The following NFASC variants were observed in gnomAD, a reference collection of about 807,000 sequenced individuals.
The protein encoded by NFASC is neurofascin, also known as neurofascin homolog.
A neutral mutation model predicts 147.5 loss-of-function variants in NFASC; 43 were observed. The ratio of observed to expected loss-of-function variants is 0.29; its 90% CI spans 0.23 to 0.38. The LOEUF is 0.38. NFASC is among the 10% of genes least tolerant of loss of function. The pLI, the probability that NFASC is intolerant of heterozygous loss-of-function variation, is 1.00. For synonymous variants in NFASC, 622 were observed against 665.5 expected (o/e 0.93, Z 1.01); for missense variants, 1,320 against 1,689.0 (o/e 0.78, Z 3.83).
rs2096380265 is a variant in NFASC at position 205,018,752 on chromosome 1, G to A, written c.*2213G>A. On this transcript the variant is annotated 3_prime_UTR_variant, in exon 30 of 30. Transcript: ENST00000339876. ...AGAAAACGCTTTGGATCTGAGCAGAGTAGTCAGTTTCTCAGACACTCATTC... is the reference window on the plus strand; with the variant it reads ...AGAAAACGCTTTGGATCTGAGCAGAATAGTCAGTTTCTCAGACACTCATTC... The A allele has an allele frequency of 6.6e-6, 1 of 152,602 alleles. No homozygotes were observed. Among genetic ancestry groups the A allele is most frequent in the African/African-American group, 2.4e-5 (1 of 41,456 alleles). The allele number at this position is 152,602 out of a possible 1,614,324, so 9.5% of individuals were successfully genotyped here.
rs189981992 is a variant in NFASC at position 205,010,601 on chromosome 1, T to A, written c.3421+913T>A. On this transcript the variant is annotated intron_variant, in intron 28 of 29. Transcript: ENST00000339876. The surrounding 1 kb of genome is among the most constrained non-coding windows in gnomAD (Gnocchi z 4.1). ...GAGACCCTGTCTCAAATAAATAAAA[T>A]TTTTTAAAAGATCCTCCAGGCCGGG... 883 of 148,746 alleles carry A rather than the reference T, an allele frequency of 5.9e-3. 10 individuals are homozygous for A. Among genetic ancestry groups the A allele is most frequent in the African/African-American group, 0.018 (739 of 40,076 alleles). The allele number at this position is 148,746 out of a possible 1,614,324, so 9.2% of individuals were successfully genotyped here.
intron 1 of NFASC, among the ~76,000 whole-genome samples, chr1:204,871,357 C>T (rs112384891): frequency 0.016 from 2,429 of 152,202 alleles, 36 homozygotes; most frequent in Non-Finnish European, 0.026. Flanking sequence ...GAAGAGAGGC[C>T]AAGGACAAGG....
At chr1:205,002,783 G>A (rs1212047062) in intron 27 of NFASC, 35 bp downstream of exon 27, 2 of 1,384,922 alleles carry the variant, frequency 1.4e-6, no homozygotes, top group South Asian at 1.8e-5. Context: ...TCCCCTGCAA[G>A]CATGGGGCAT....
intron 1 of NFASC, among the ~76,000 whole-genome samples, chr1:204,885,599 G>A (rs931676249): frequency 2.0e-5 from 3 of 152,192 alleles, no homozygotes; most frequent in African/African-American, 7.2e-5. Flanking sequence ...GTTTTATGAA[G>A]AAAGTGACTG....
intron 1 of NFASC, among the ~76,000 whole-genome samples, chr1:204,893,676 T>TTGCATTGTATTGCGC (rs1426946495): frequency 6.6e-6 from 1 of 152,220 alleles, no homozygotes; most frequent in Non-Finnish European, 1.5e-5. Context: ...TTAGATGAAG[T>TTGCATTGTATTGCGC]TGCATTGTAT....
In NFASC at chr1:204,924,014, G is replaced by A. The variant is rs960822916; in HGVS notation, c.-91+3274G>A. 3.9e-5 allele frequency among the ~76,000 whole-genome samples: 6 copies of A among 152,224 alleles called. No individual in the cohort carries two copies. The East Asian group carries it at 1.2e-3, about 29-fold the overall frequency. ...GCTCTAGCAAAGGGAGGCCCTTCTAGGGCATAAGACAGCAAGGTTTCCTCC... is the reference window on the plus strand; with the variant it reads ...GCTCTAGCAAAGGGAGGCCCTTCTAAGGCATAAGACAGCAAGGTTTCCTCC... On this transcript the variant is annotated intron_variant, in intron 2 of 29. Coordinates refer to ENST00000339876, the MANE Select transcript of NFASC (RefSeq NM_001005388.3).
At chr1:204,924,138 A>G (rs896996447) in intron 2 of NFASC, among the ~76,000 whole-genome samples, 2 of 152,114 alleles carry the variant, frequency 1.3e-5, no homozygotes, top group African/African-American at 4.8e-5. Flanking sequence ...AACTCAGGAA[A>G]ATCCTCATTC....
In NFASC at chr1:205,002,602, A is replaced by C; in HGVS notation, c.3143A>C (p.His1048Pro). 3 of 1,517,096 alleles carry C rather than the reference A, an allele frequency of 2.0e-6. No individual in the cohort carries two copies. Among genetic ancestry groups the C allele is most frequent in the Non-Finnish European group, 2.7e-6 (3 of 1,115,854 alleles). 94.0% of individuals were successfully genotyped at this position (1,517,096 alleles called of 1,614,324 possible). The change falls in exon 27 of 30, where the codon CAT becomes CCT. Residue 1048 changes from histidine to proline, a missense_variant. Around this residue, in one of 3 missense-constraint regions of NFASC, gnomAD observed 172 missense variants for 165.8 expected, o/e 1.04. Transcript: ENST00000339876. ...TGAGGTTTCTGTTCCCCAGGCAACCATACGAAAAAAACTGTCCCAGTTAAG... is the reference window on the plus strand; with the variant it reads ...TGAGGTTTCTGTTCCCCAGGCAACCCTACGAAAAAAACTGTCCCAGTTAAG... ...DFVVEYIDSN[H>P]TKKTVPVKAQ...
rs1276456145 is a variant in NFASC, at chr1:205,000,923, A to C, written c.3020-247A>C. 22 of 552,290 alleles carry C rather than the reference A, an allele frequency of 4.0e-5. No homozygotes were observed. The East Asian group carries it at 6.9e-4, about 17-fold the overall frequency. The allele number at this position is 552,290 out of a possible 1,614,324, so 34.2% of individuals were successfully genotyped here. ...CAGCTCTCCCTCCGAAGTCCTCCCG[A>C]CTGTACCTGCTTGTCCCTGGACAGC... On this transcript the variant is annotated intron_variant, in intron 25 of 29. Coordinates refer to ENST00000339876, the MANE Select transcript of NFASC (RefSeq NM_001005388.3).
Position 205,010,496 on chromosome 1 carries a change from G to A in NFASC, c.3421+808G>A, listed in dbSNP as rs1057432646. Reference sequence around the variant, plus strand: ...GGTCCCAGCTATTCAACAGGCTGAGGTGGGAGGATTACCTGAGCCTGGAGA... The same window carrying A: ...GGTCCCAGCTATTCAACAGGCTGAGATGGGAGGATTACCTGAGCCTGGAGA... On this transcript the variant is annotated intron_variant, in intron 28 of 29. Transcript: ENST00000339876. This position sits in a 1 kb window ranked among gnomAD's most constrained non-coding sequence, Gnocchi z 4.1. 4.6e-5 allele frequency: 7 copies of A among 152,292 alleles called. No homozygotes were observed. Among genetic ancestry groups the A allele is most frequent in the Admixed American group, 2.6e-4 (4 of 15,280 alleles). The allele number at this position is 152,292 out of a possible 1,614,324, so 9.4% of individuals were successfully genotyped here.
At chr1:204,935,878 G>C (rs554753246) in intron 2 of NFASC, among the ~76,000 whole-genome samples, 1 of 152,286 alleles carries the variant, frequency 6.6e-6, no homozygotes, top group South Asian at 2.1e-4. Flanking sequence ...GGAACATTAG[G>C]CTGCTGCACA....
intron 1 of NFASC, among the ~76,000 whole-genome samples, chr1:204,834,843 C>T (rs1016511373): frequency 4.6e-5 from 7 of 152,140 alleles, no homozygotes; most frequent in Admixed American, 6.5e-5. Flanking sequence ...AGGAAGGCTG[C>T]GTGAATAGTG....
At chr1:204,936,181 T>C in intron 2 of NFASC, among the ~76,000 whole-genome samples, 1 of 28,770 alleles carries the variant, frequency 3.5e-5, no homozygotes, top group Middle Eastern at 0.014. Context: ...ATTAACAGAT[T>C]CCCTCTCTCT....
At chr1:204,877,089 AT>A (rs1170068111) in intron 1 of NFASC, among the ~76,000 whole-genome samples, 1 of 117,504 alleles carries the variant, frequency 8.5e-6, no homozygotes, top group African/African-American at 3.4e-5. Flanking sequence ...TAATATATTT[AT>A]TTATATATTT....
Position 204,828,753 on chromosome 1 carries a change from C to T in NFASC, c.-229C>T. 1.0e-6 allele frequency: 1 copy of T among 985,650 alleles called. No homozygotes were observed. Among genetic ancestry groups the T allele is most frequent in the Non-Finnish European group, 1.2e-6 (1 of 830,216 alleles). 61.1% of individuals were successfully genotyped at this position (985,650 alleles called of 1,614,324 possible). Reference sequence around the variant, plus strand: ...CGCCGGCAGCGGACAGCTCGGACAGCGCCCAGGGCCGGAGCCCGAGCCCTT... The same window carrying T: ...CGCCGGCAGCGGACAGCTCGGACAGTGCCCAGGGCCGGAGCCCGAGCCCTT... On this transcript the variant is annotated 5_prime_UTR_variant, in exon 1 of 30. Transcript: ENST00000339876.
At position 204,877,354 on chromosome 1, in the gene NFASC, G is replaced by A. The variant is rs184303517; in HGVS notation, c.-199-43278G>A. 3.0e-3 allele frequency among the ~76,000 whole-genome samples: 458 copies of A among 152,016 alleles called. 3 individuals are homozygous for A. The highest frequency in any genetic ancestry group is 0.011 in the African/African-American group (438 of 41,470). On this transcript the variant is annotated intron_variant, in intron 1 of 29. Transcript: ENST00000339876. ...ATCCTATACACAGCGTCTGTGAAAC[G>A]GCCAGAACCAGTGCATGGTCAGTGG... is the stretch of plus-strand genomic sequence containing the variant.
intron 1 of NFASC, among the ~76,000 whole-genome samples, chr1:204,896,333 C>T (rs1354285159): frequency 6.6e-6 from 1 of 152,190 alleles, no homozygotes; most frequent in Non-Finnish European, 1.5e-5. Context: ...CCAGCACAAT[C>T]CTGCTTTGTT....
At chr1:204,955,296 A>G (rs2094374180) in intron 7 of NFASC, among the ~76,000 whole-genome samples, 1 of 152,258 alleles carries the variant, frequency 6.6e-6, no homozygotes, top group Non-Finnish European at 1.5e-5. Context: ...TGCTTAGAAC[A>G]GGGCCAGACA....
chr1:204,854,232 G>A (rs1321372570), intron 1 of NFASC, among the ~76,000 whole-genome samples: 1 of 152,096 alleles, frequency 6.6e-6, no homozygotes, highest in Non-Finnish European at 1.5e-5. Flanking sequence ...GGCTGTGTGG[G>A]AGTAGCCTCA....
Sources: allele counts gnomAD v4.1 joint callset (sites outside exome capture counted in the v4.1 genomes callset), GRCh38; gene constraint gnomAD v4.1.1; regional missense constraint gnomAD v4.1.1; non-coding constraint Gnocchi (gnomAD v3.1); transcripts MANE v1.5; gene names NCBI Gene and HGNC (gene_info 2026-07-23, HGNC 2026-07-21).